HOPX: variants seen among roughly 807,000 people sequenced by gnomAD.
The protein encoded by HOPX is homeodomain-only protein.
In HOPX, 5 loss-of-function variants were observed where a neutral mutation model predicts 11.8. The observed-to-expected ratio is 0.43, with a 90% CI of 0.22 to 0.89. The LOEUF (loss-of-function observed/expected upper bound fraction) is 0.89, where lower values mean the gene tolerates loss of function less well. Ranked by LOEUF, HOPX falls within the 40% of genes least tolerant of loss-of-function variation. The pLI, the probability that HOPX is intolerant of heterozygous loss-of-function variation, is 0.28. For missense variants in HOPX, 119 were observed against 120.0 expected (o/e 0.99, Z 0.04); for synonymous variants, 49 against 49.7 (o/e 0.99, Z 0.06).
rs558252331 is a variant in HOPX at position 56,676,494 on chromosome 4, C to A, written c.-84+4761G>T. The A allele has an allele frequency of 2.9e-3, 434 of 151,506 alleles. 28 individuals carry two copies. Among genetic ancestry groups the A allele is most frequent in the Middle Eastern group, 0.01 (3 of 294 alleles). The allele number at this position is 151,506 out of a possible 1,614,324, so 9.4% of individuals were successfully genotyped here. On this transcript the variant is annotated intron_variant, in intron 1 of 3. Coordinates refer to ENST00000420433, the MANE Select transcript of HOPX (RefSeq NM_032495.6). The stretch of plus-strand genomic sequence containing the variant: ...GAAGGAAGAAATTCTATCGGTCATA[C>A]AAACCTGTTTTATCAGTCTTGCAAA...
At chr4:56,656,139 C>T (rs1717697507) in intron 2 of HOPX, 127 bp from the exon 3 acceptor site, 2 of 1,190,020 alleles carry the variant, frequency 1.7e-6, no homozygotes, top group Non-Finnish European at 2.1e-6. Context: ...GGTGCCACGG[C>T]CGCGCAAGTC....
chr4:56,656,304 G>T (rs894484642), intron 2 of HOPX: 2 of 1,115,662 alleles, frequency 1.8e-6, no homozygotes, highest in Non-Finnish European at 2.2e-6. Context: ...CCCTGCCTGC[G>T]ACGGGGGCGA....
chr4:56,648,572 A>G lies in HOPX; in HGVS notation c.*148T>C, dbSNP rs536791873. The G allele has an allele frequency of 2.0e-6, 1 of 503,780 alleles. No individual in the cohort carries two copies. Among genetic ancestry groups the G allele is most frequent in the African/African-American group, 1.9e-5 (1 of 52,640 alleles). 31.2% of individuals were successfully genotyped at this position (503,780 alleles called of 1,614,324 possible). ...TTCTTTTCTAATTATGTACATTTAGAAAAAAAATACAACACTGTGTTAAAC... is the reference window on the plus strand; with the variant it reads ...TTCTTTTCTAATTATGTACATTTAGGAAAAAAATACAACACTGTGTTAAAC... On this transcript the variant is annotated 3_prime_UTR_variant, in exon 4 of 4. Transcript: ENST00000420433.
chr4:56,670,456 T>C (rs1401677949), intron 1 of HOPX, among the ~76,000 whole-genome samples: 1 of 152,174 alleles, frequency 6.6e-6, no homozygotes, highest in African/African-American at 2.4e-5. Context: ...GGATCAACTT[T>C]CTAAATAGTT....
At chr4:56,656,258 T>TCCCGCGCCC in intron 2 of HOPX, 3 of 1,167,264 alleles carry the variant, frequency 2.6e-6, no homozygotes, top group Non-Finnish European at 2.1e-6. Flanking sequence ...GTCCTGCGCC[T>TCCCGCGCCC]CCCGCGCCCC....
Position 56,681,276 on chromosome 4 carries a change from G to A in HOPX, c.-105C>T. On this transcript the variant is annotated 5_prime_UTR_variant, in exon 1 of 4. Transcript: ENST00000420433. ...TTACGTGGAAGAGGCAAAGGCAAGC[G>A]CAAGCCCTGGGTTTGGAAGCTGTGT... The A allele has an allele frequency of 4.1e-6, 4 of 985,420 alleles. No individual in the cohort carries two copies. Among genetic ancestry groups the A allele is most frequent in the South Asian group, 4.7e-5 (1 of 21,286 alleles). The allele number at this position is 985,420 out of a possible 1,614,324, so 61.0% of individuals were successfully genotyped here.
chr4:56,656,065 C>T (rs145663437), intron 2 of HOPX, 53 bp from the exon 3 acceptor site: 30,786 of 1,454,974 alleles, frequency 0.021, 748 homozygotes, highest in South Asian at 0.11. Flanking sequence ...GCGGGCGGGA[C>T]GCAGCGAAGG....
intron 3 of HOPX, chr4:56,650,585 CA>C: frequency 2.3e-6 from 3 of 1,327,696 alleles, no homozygotes; most frequent in Non-Finnish European, 3.1e-6. Context: ...CAATGCTAAG[CA>C]GGCTGAATAG....
At chr4:56,658,146 A>G (rs1188667319) in intron 1 of HOPX, among the ~76,000 whole-genome samples, 1 of 152,150 alleles carries the variant, frequency 6.6e-6, no homozygotes, top group Non-Finnish European at 1.5e-5. Flanking sequence ...CTCTTCCATG[A>G]AAATTTTGTC....
At chr4:56,667,106 A>G (rs950866526) in intron 1 of HOPX, among the ~76,000 whole-genome samples, 2 of 152,250 alleles carry the variant, frequency 1.3e-5, no homozygotes, top group Non-Finnish European at 2.9e-5. Context: ...CAACGTGTCC[A>G]GGTATCCAGA....
chr4:56,663,006 A>G (rs1416538441), intron 1 of HOPX: 1 of 152,156 alleles, frequency 6.6e-6, no homozygotes, highest in Non-Finnish European at 1.5e-5. Flanking sequence ...ACTTCCATGC[A>G]TCTCTTTAAA....
chr4:56,669,702 T>TAATAAG (rs869032805), intron 1 of HOPX, among the ~76,000 whole-genome samples: 9 of 136,004 alleles, frequency 6.6e-5, no homozygotes, highest in African/African-American at 2.4e-4. Context: ...ATAATAATAA[T>TAATAAG]AACACCAGTA....
At chr4:56,669,288 C>A (rs770766576) in intron 1 of HOPX, among the ~76,000 whole-genome samples, 21 of 99,042 alleles carry the variant, frequency 2.1e-4, no homozygotes, top group Non-Finnish European at 3.7e-4. Flanking sequence ...ACGGAGGAAC[C>A]CATGAAACAC....
At chr4:56,663,567 C>T (rs1485880958) in intron 1 of HOPX, 1 of 152,162 alleles carries the variant, frequency 6.6e-6, no homozygotes, top group African/African-American at 2.4e-5. Context: ...TTTGCTGCAA[C>T]CTCCGCCTCC....
At chr4:56,663,390 G>C (rs961825290) in intron 1 of HOPX, 9 of 152,170 alleles carry the variant, frequency 5.9e-5, no homozygotes, top group African/African-American at 1.9e-4. Flanking sequence ...GTGTCATCAG[G>C]TTTGGTTTTT....
intron 1 of HOPX, chr4:56,663,571 C>A (rs1718269069): frequency 6.6e-6 from 1 of 152,176 alleles, no homozygotes. Flanking sequence ...CTGCAACCTC[C>A]GCCTCCCAGA....
chr4:56,655,973 T>TG lies in HOPX; in HGVS notation c.81dup (p.Thr28HisfsTer43). The TG allele has an allele frequency of 1.9e-6, 3 of 1,608,226 alleles. No individual in the cohort carries two copies. The South Asian group carries it at 3.3e-5, about 18-fold the overall frequency. On this transcript the variant is annotated frameshift_variant, in exon 3 of 4. Coordinates refer to ENST00000420433, the MANE Select transcript of HOPX (RefSeq NM_032495.6). LOFTEE classifies it high-confidence loss of function. Reference sequence around the variant, plus strand: ...TCCAGGATTTCCACCTGGTCCTCTGTGGGGCCGCTCGCGGTCTCCGCCGAC... The same window carrying TG: ...TCCAGGATTTCCACCTGGTCCTCTGTGGGGGCCGCTCGCGGTCTCCGCCGAC...
chr4:56,653,067 C>T (rs1401498808), intron 3 of HOPX, among the ~76,000 whole-genome samples: 2 of 151,966 alleles, frequency 1.3e-5, no homozygotes, highest in Non-Finnish European at 2.9e-5. Context: ...ACAGGTTCTC[C>T]CTCTGTAACC....
Position 56,648,624 on chromosome 4 carries a change from C to T in HOPX, c.*96G>A. ...GCAGGACAGCTAGCAATGGAACATA[C>T]AACACTATGCTGAAAAACCACAACA... On this transcript the variant is annotated 3_prime_UTR_variant, in exon 4 of 4. Transcript: ENST00000420433. The T allele has an allele frequency of 1.2e-6, 1 of 824,744 alleles. No homozygotes were observed. 51.1% of individuals were successfully genotyped at this position (824,744 alleles called of 1,614,324 possible).
Sources: allele counts gnomAD v4.1 joint callset (sites outside exome capture counted in the v4.1 genomes callset), GRCh38; gene constraint gnomAD v4.1.1; transcripts MANE v1.5; gene names NCBI Gene and HGNC (gene_info 2026-07-23, HGNC 2026-07-21).